PTGER3: variants seen among roughly 807,000 people sequenced by gnomAD.
PTGER3 encodes the protein prostaglandin E2 receptor EP3 subtype.
A neutral mutation model predicts 34.7 loss-of-function variants in PTGER3; 22 were observed. That is an observed-to-expected ratio of 0.63 (90% CI 0.45 to 0.91). The LOEUF is 0.91. PTGER3 is among the 40% of genes least tolerant of loss of function. The pLI, the probability that PTGER3 is intolerant of heterozygous loss-of-function variation, is 0.00. For missense variants in PTGER3, 468 were observed against 519.4 expected (o/e 0.90, Z 0.96); for synonymous variants, 241 against 230.1 (o/e 1.05, Z -0.43).
At chr1:70,903,044 C>T (rs1466493726) in intron 4 of PTGER3, among the ~76,000 whole-genome samples, 1 of 152,072 alleles carries the variant, frequency 6.6e-6, no homozygotes, top group African/African-American at 2.4e-5. Context: ...GTCCAAAATC[C>T]AGTAACAAGT....
At chr1:70,890,805 A>C (rs1415285145) in intron 4 of PTGER3, among the ~76,000 whole-genome samples, 1 of 152,142 alleles carries the variant, frequency 6.6e-6, no homozygotes, top group Non-Finnish European at 1.5e-5. Context: ...CCAAACTCCT[A>C]AGGCTGGCAT....
chr1:70,852,558 A>G (rs1645704292), exon 5 of PTGER3: 5 of 465,132 alleles, frequency 1.1e-5, no homozygotes, highest in Non-Finnish European at 1.9e-5. Flanking sequence ...TTTTCAATAA[A>G]AAAATGCAAA....
intron 4 of PTGER3, among the ~76,000 whole-genome samples, chr1:70,929,812 T>C (rs1331505245): frequency 3.9e-5 from 6 of 152,176 alleles, no homozygotes; most frequent in Admixed American, 3.9e-4. Context: ...GTGAGAGAGA[T>C]AAATGAGTTA....
At chr1:70,912,920 G>C (rs1647091395) in intron 4 of PTGER3, among the ~76,000 whole-genome samples, 1 of 151,770 alleles carries the variant, frequency 6.6e-6, no homozygotes, top group Non-Finnish European at 1.5e-5. Flanking sequence ...ATAAATTTTG[G>C]AGTCAAGTAG....
At chr1:70,996,639 T>TTTTTTTTATTTA (rs774610328) in intron 2 of PTGER3, among the ~76,000 whole-genome samples, 75 of 122,748 alleles carry the variant, frequency 6.1e-4, no homozygotes, top group East Asian at 1.5e-3. Flanking sequence ...TTTTTTGTAT[T>TTTTTTTTATTTA]TTTATTTATT....
Position 71,047,022 on chromosome 1 carries a change from G to A in PTGER3, c.556C>T (p.Leu186Phe). 1 of 1,610,758 alleles carries A rather than the reference G, an allele frequency of 6.2e-7. No homozygotes were observed. ...AVLLGVWLAV[L>F]AFALLPVLGV... ...AGCACCGGCAGCAGGGCGAAGGCGA[G>A]CACGGCCAGCCACACGCCGAGCAGC... The change falls in exon 1 of 4, where the codon CTC (leucine) becomes TTC (phenylalanine). Residue 186 changes from leucine (L) to phenylalanine (F), a missense_variant. Physicochemically the swap from Leu to Phe is conservative, Grantham distance 22 (BLOSUM62 0). Around this residue, in one of 5 missense-constraint regions of PTGER3, gnomAD observed 204 missense variants for 230.8 expected, o/e 0.88. Transcript: ENST00000306666.
chr1:70,959,881 A>G (rs1266060957), intron 2 of PTGER3, among the ~76,000 whole-genome samples: 1 of 152,108 alleles, frequency 6.6e-6, no homozygotes, highest in African/African-American at 2.4e-5. Context: ...CATATATTGA[A>G]GTCCTAATTC....
At chr1:70,938,772 GC>G (rs965580998) in intron 4 of PTGER3, among the ~76,000 whole-genome samples, 1 of 152,132 alleles carries the variant, frequency 6.6e-6, no homozygotes, top group African/African-American at 2.4e-5. Flanking sequence ...GGAAAGACCA[GC>G]CCCCATGATT....
At chr1:70,889,811 A>G (rs1398866527) in intron 4 of PTGER3, among the ~76,000 whole-genome samples, 1 of 152,162 alleles carries the variant, frequency 6.6e-6, no homozygotes, top group African/African-American at 2.4e-5. Flanking sequence ...ACTTCTCTTG[A>G]AAGCCCCACA....
intron 4 of PTGER3, among the ~76,000 whole-genome samples, chr1:70,865,319 G>A (rs1381411069): frequency 1.3e-5 from 2 of 152,090 alleles, no homozygotes; most frequent in Non-Finnish European, 2.9e-5. Context: ...TGCTGATTGG[G>A]AATACCACCC....
At chr1:71,033,336 T>C (rs1309582586) in intron 1 of PTGER3, among the ~76,000 whole-genome samples, 1 of 152,238 alleles carries the variant, frequency 6.6e-6, no homozygotes, top group Non-Finnish European at 1.5e-5. Flanking sequence ...CTTACCTGGA[T>C]GACTTCAACA....
chr1:70,955,034 A>ATTAT (rs1316674639), intron 2 of PTGER3, among the ~76,000 whole-genome samples: 14 of 152,134 alleles, frequency 9.2e-5, no homozygotes, highest in Admixed American at 5.9e-4. Context: ...AGAAACTATA[A>ATTAT]TTATTTTCTT....
At chr1:70,953,170 T>C (rs1650948215) in intron 3 of PTGER3, 2 of 952,722 alleles carry the variant, frequency 2.1e-6, no homozygotes, top group African/African-American at 3.3e-5. Flanking sequence ...TTATACAACA[T>C]TTACATTGTA....
chr1:71,039,457 T>C (rs934388960), intron 1 of PTGER3, among the ~76,000 whole-genome samples: 1 of 151,824 alleles, frequency 6.6e-6, no homozygotes, highest in African/African-American at 2.4e-5. Flanking sequence ...GAGACCATAC[T>C]GGCTAATGCA....
At chr1:70,954,832 C>T (rs1651149344) in intron 2 of PTGER3, among the ~76,000 whole-genome samples, 1 of 139,052 alleles carries the variant, frequency 7.2e-6, no homozygotes, top group Non-Finnish European at 1.6e-5. Flanking sequence ...GAAGAAAAAA[C>T]ACATGACCGT....
intron 4 of PTGER3, among the ~76,000 whole-genome samples, chr1:70,885,114 T>C (rs2100234901): frequency 6.6e-6 from 1 of 152,056 alleles, no homozygotes; most frequent in African/African-American, 2.4e-5. Context: ...TTTTACTTCT[T>C]TTAGTGACCA....
chr1:70,946,320 A>G (rs1180700050), intron 4 of PTGER3, among the ~76,000 whole-genome samples: 2 of 152,146 alleles, frequency 1.3e-5, no homozygotes, highest in Non-Finnish European at 2.9e-5. Context: ...CTTGAGCACT[A>G]TCTCACTCCC....
intron 2 of PTGER3, chr1:71,011,519 A>G: frequency 3.0e-6 from 3 of 985,318 alleles, no homozygotes; most frequent in Non-Finnish European, 3.6e-6. Context: ...GCTCATAGAA[A>G]TGTAAAATAT....
intron 4 of PTGER3, among the ~76,000 whole-genome samples, chr1:70,908,331 C>T (rs1274251853): frequency 1.3e-5 from 2 of 152,146 alleles, no homozygotes; most frequent in Non-Finnish European, 2.9e-5. Context: ...GCAGAGATTT[C>T]CCAGTGCTCT....
Sources: allele counts gnomAD v4.1 joint callset (sites outside exome capture counted in the v4.1 genomes callset), GRCh38; gene constraint gnomAD v4.1.1; regional missense constraint gnomAD v4.1.1; transcripts MANE v1.5; gene names NCBI Gene and HGNC (gene_info 2026-07-23, HGNC 2026-07-21).